The following FREM3 variants were observed in gnomAD, a reference collection of about 807,000 sequenced individuals.
FREM3 encodes the protein FRAS1 related extracellular matrix 3.
In FREM3, 105 loss-of-function variants were observed where a neutral mutation model predicts 129.1. That is an observed-to-expected ratio of 0.81 (90% CI 0.69 to 0.96). The LOEUF (loss-of-function observed/expected upper bound fraction) is 0.96, where lower values mean the gene tolerates loss of function less well. Among genes scored for constraint, FREM3 ranks in the 40% least tolerant of loss-of-function variants. FREM3 has a pLI of 0.00. For missense variants in FREM3, 2,593 were observed against 2,666.3 expected, an observed-to-expected ratio of 0.97 and a Z score of 0.61; for synonymous variants, 1,014 against 1,044.9, an observed-to-expected ratio of 0.97 and a Z score of 0.57.
intron 5 of FREM3, among the ~76,000 whole-genome samples, chr4:143,618,555 C>A (rs1221676873): frequency 6.6e-6 from 1 of 152,068 alleles, no homozygotes; most frequent in Non-Finnish European, 1.5e-5. Context: ...CCAAACTTAA[C>A]CTGCCTTGCT....
intron 2 of FREM3, among the ~76,000 whole-genome samples, chr4:143,664,541 G>T (rs1288954571): frequency 2.0e-5 from 3 of 152,150 alleles, no homozygotes; most frequent in Non-Finnish European, 2.9e-5. Context: ...CAGGGGTCAG[G>T]GACCCACTTG....
chr4:143,675,961 T>C (rs1400867798), intron 2 of FREM3, among the ~76,000 whole-genome samples: 1 of 152,054 alleles, frequency 6.6e-6, no homozygotes, highest in Non-Finnish European at 1.5e-5. Context: ...CTACCAGAGG[T>C]ACAAGGAGGA....
At chr4:143,601,706 C>T (rs146164675) in intron 6 of FREM3, 1 of 152,168 alleles carries the variant, frequency 6.6e-6, no homozygotes, top group East Asian at 1.9e-4. Flanking sequence ...GGCCTCCACT[C>T]TCATGGAGCT....
At chr4:143,588,740 T>A (rs1192535300) in intron 6 of FREM3, among the ~76,000 whole-genome samples, 4 of 151,514 alleles carry the variant, frequency 2.6e-5, no homozygotes, top group Admixed American at 6.6e-5. Flanking sequence ...ATGATTTATA[T>A]TCCTTTGGGT....
intron 4 of FREM3, among the ~76,000 whole-genome samples, chr4:143,622,326 T>G (rs1459110604): frequency 6.6e-6 from 1 of 151,830 alleles, no homozygotes; most frequent in African/African-American, 2.4e-5. Flanking sequence ...ACTCCTGGAC[T>G]CAAGTGATCT....
intron 5 of FREM3, among the ~76,000 whole-genome samples, chr4:143,612,740 A>G (rs1276906731): frequency 6.6e-6 from 1 of 152,242 alleles, no homozygotes; most frequent in African/African-American, 2.4e-5. Context: ...AAGACTGAAC[A>G]GTATTCATTG....
At position 143,585,253 on chromosome 4, in the gene FREM3, A is replaced by ACATGGAAATGTCCTTTC. The variant is rs2149833440; in HGVS notation, c.6178+590_6178+591insGAAAGGACATTTCCATG. Reference sequence around the variant, plus strand: ...AATGAGAAAATGTGGGCATCAATGTACATGGAAATGTCCTTTTCTTTTCCT... The same window carrying ACATGGAAATGTCCTTTC: ...AATGAGAAAATGTGGGCATCAATGTACATGGAAATGTCCTTTCCATGGAAATGTCCTTTTCTTTTCCT... On this transcript the variant is annotated intron_variant, in intron 7 of 7. Transcript: ENST00000329798. The surrounding 1 kb of genome is among the most constrained non-coding windows in gnomAD (Gnocchi z 4.2). Among the ~76,000 whole-genome samples the ACATGGAAATGTCCTTTC allele has an allele frequency of 6.6e-6, 1 of 152,362 alleles. No homozygotes were observed. The highest frequency in any genetic ancestry group is 2.1e-4 in the South Asian group (1 of 4,830).
chr4:143,662,066 G>T (rs560450136), intron 2 of FREM3, among the ~76,000 whole-genome samples: 6 of 151,758 alleles, frequency 4.0e-5, no homozygotes, highest in African/African-American at 9.7e-5. Context: ...ATTTTTTGAA[G>T]GGTTTTTTGT....
At chr4:143,678,781 A>G (rs1197540215) in intron 2 of FREM3, among the ~76,000 whole-genome samples, 1 of 152,178 alleles carries the variant, frequency 6.6e-6, no homozygotes, top group Non-Finnish European at 1.5e-5. Context: ...ACTTCAATAT[A>G]GTCATAAAAT....
rs201463006 is a variant in FREM3 at position 143,699,082 on chromosome 4, A to T, written c.1594T>A (p.Phe532Ile). 9 of 1,537,372 alleles carry T rather than the reference A, an allele frequency of 5.9e-6. No homozygotes were observed. Among genetic ancestry groups the T allele is most frequent in the Non-Finnish European group, 7.8e-6 (9 of 1,146,956 alleles). Residue 532 changes from phenylalanine to isoleucine, a missense_variant, in exon 1 of 8, where the codon TTT becomes ATT. Physicochemically the swap from Phe to Ile is conservative, Grantham distance 21. Coordinates refer to ENST00000329798, the MANE Select transcript of FREM3 (RefSeq NM_001168235.2). The surrounding 1 kb of genome is among the most constrained non-coding windows in gnomAD (Gnocchi z 4.2). ...EDGHHQVDFL[F>I]PLTILPVDDE... is the part of the protein sequence containing the mutation. ...TCCACAGGTAGGATGGTGAGGGGAA[A>T]GAGGAAGTCCACTTGGTGGTGCCCG...
rs566275413 is a variant in FREM3, at chr4:143,650,405, A to T, written c.5276-22645T>A. Reference sequence around the variant, plus strand: ...TATAAATGACAATGAACTATCAGCCAAAGATGATCAATGACTGTGGTATCT... The same window carrying T: ...TATAAATGACAATGAACTATCAGCCTAAGATGATCAATGACTGTGGTATCT... On this transcript the variant is annotated intron_variant, in intron 2 of 7. Coordinates refer to ENST00000329798, the MANE Select transcript of FREM3 (RefSeq NM_001168235.2). Among the ~76,000 whole-genome samples, 48 of 152,368 alleles carry T rather than the reference A, an allele frequency of 3.2e-4. No individual in the cohort carries two copies. The South Asian group carries it at 9.5e-3, about 30-fold the overall frequency.
chr4:143,676,617 T>C (rs1428958167), intron 2 of FREM3, among the ~76,000 whole-genome samples: 1 of 152,190 alleles, frequency 6.6e-6, no homozygotes, highest in Non-Finnish European at 1.5e-5. Flanking sequence ...TGTTTGCAGA[T>C]GACATGATTG....
At chr4:143,660,807 G>A (rs200216267) in intron 2 of FREM3, among the ~76,000 whole-genome samples, 13,652 of 152,076 alleles carry the variant, frequency 0.09, 1,571 homozygotes, top group African/African-American at 0.26. Context: ...CACGTCCCTT[G>A]TAAGTTGGAT....
rs1226756195 is a variant in FREM3 at position 143,693,284 on chromosome 4, G to A, written c.5186-82C>T. ...GTTAACAACTTCAAAGTTTTAATTAGGCATAGAAATACTCCAATTAATAAA... is the reference window on the plus strand; with the variant it reads ...GTTAACAACTTCAAAGTTTTAATTAAGCATAGAAATACTCCAATTAATAAA... On this transcript the variant is annotated intron_variant, in intron 1 of 7. Coordinates refer to ENST00000329798, the MANE Select transcript of FREM3 (RefSeq NM_001168235.2). 1.1e-5 allele frequency: 6 copies of A among 565,614 alleles called. No individual in the cohort carries two copies. In the African/African-American group the frequency reaches 1.2e-4, roughly 11 times the overall value. The allele number at this position is 565,614 out of a possible 1,614,324, so 35.0% of individuals were successfully genotyped here. A position where few individuals can be genotyped will look rare whatever the true frequency, so the allele number is the denominator to read the frequency against.
chr4:143,684,523 C>A (rs1326992357), intron 2 of FREM3, among the ~76,000 whole-genome samples: 1 of 152,200 alleles, frequency 6.6e-6, no homozygotes, highest in African/African-American at 2.4e-5. Context: ...CAGCCCTAGA[C>A]CTTCCCTCTG....
chr4:143,630,977 G>C (rs575587544), intron 2 of FREM3, among the ~76,000 whole-genome samples: 1 of 152,134 alleles, frequency 6.6e-6, no homozygotes, highest in South Asian at 2.1e-4. Context: ...ACATGTATTG[G>C]CCAGAAAAAA....
intron 2 of FREM3, among the ~76,000 whole-genome samples, chr4:143,641,051 A>T (rs1415056321): frequency 1.3e-5 from 2 of 152,192 alleles, no homozygotes; most frequent in African/African-American, 4.8e-5. Context: ...CATCTTAGAA[A>T]CACCTGGTCC....
intron 2 of FREM3, among the ~76,000 whole-genome samples, chr4:143,655,055 G>A (rs1739576269): frequency 6.6e-6 from 1 of 152,162 alleles, no homozygotes; most frequent in Admixed American, 6.5e-5. Context: ...AGGTAAGTGA[G>A]GACAGAGGCA....
chr4:143,634,528 C>T (rs886828944), intron 2 of FREM3, among the ~76,000 whole-genome samples: 3 of 152,006 alleles, frequency 2.0e-5, no homozygotes, highest in Non-Finnish European at 2.9e-5. Context: ...TATTGATGGA[C>T]AGCTGGCCAC....
Sources: gnomAD v4.1 joint callset for allele counts (sites outside exome capture counted in the v4.1 genomes callset) on GRCh38, gnomAD v4.1.1 for gene constraint, Gnocchi (gnomAD v3.1) non-coding constraint, MANE v1.5 for transcripts, NCBI Gene and HGNC (gene_info 2026-07-23, HGNC 2026-07-21) for gene names.